Variants in RASA3 observed in about 807,000 individuals in gnomAD.
RASA3 encodes RAS p21 protein activator 3.
RASA3 carries 73 observed loss-of-function variants against 110.0 expected under a neutral mutation model. That is an observed-to-expected ratio of 0.66 (90% CI 0.55 to 0.81). The LOEUF is 0.81. RASA3 is among the 30% of genes least tolerant of loss of function. The pLI is 0.00. For missense variants in RASA3, 976 were observed against 1,113.2 expected (o/e 0.88, Z 1.75); for synonymous variants, 500 against 451.4 (o/e 1.11, Z -1.37).
At chr13:114,101,521 C>G (rs2080060072) in intron 1 of RASA3, among the ~76,000 whole-genome samples, 1 of 152,262 alleles carries the variant, frequency 6.6e-6, no homozygotes, top group African/African-American at 2.4e-5. Flanking sequence ...CTGGAGGGGC[C>G]TGATCCCGGC....
chr13:114,059,055 G>A lies in RASA3; in HGVS notation c.174-6900C>T, dbSNP rs565977355. Among the ~76,000 whole-genome samples, 18 of 152,300 alleles carry A rather than the reference G, an allele frequency of 1.2e-4. No homozygotes were observed. In the East Asian group the frequency reaches 3.3e-3, roughly 28 times the overall value. ...TCAACAGAAAATTTAAAAATTAGAT[G>A]GGTTTGGTGGCGCACGTCTGCAGCG... On this transcript the variant is annotated intron_variant, in intron 2 of 23. Coordinates refer to ENST00000334062, the MANE Select transcript of RASA3 (RefSeq NM_007368.4).
chr13:114,118,957 A>C (rs541139742), intron 1 of RASA3, among the ~76,000 whole-genome samples: 1 of 152,332 alleles, frequency 6.6e-6, no homozygotes, highest in African/African-American at 2.4e-5. Context: ...CACAGAACTA[A>C]ATGGTCACCC....
At chr13:114,068,725 T>C (rs1222193788) in intron 2 of RASA3, among the ~76,000 whole-genome samples, 2 of 152,226 alleles carry the variant, frequency 1.3e-5, no homozygotes, top group East Asian at 3.8e-4. Context: ...GGCTGCCCTT[T>C]AAATGATTAA....
At chr13:114,107,159 ACCTTGACCCT>A (rs2139753385) in intron 1 of RASA3, among the ~76,000 whole-genome samples, 1 of 26,816 alleles carries the variant, frequency 3.7e-5, no homozygotes, top group South Asian at 1.1e-3. Context: ...GACCCTGGGC[ACCTTGACCCT>A]CACGGGGTAC....
Position 114,056,627 on chromosome 13 carries a change from G to C in RASA3, c.174-4472C>G. 1 of 985,338 alleles carries C rather than the reference G, an allele frequency of 1.0e-6. No homozygotes were observed. Among genetic ancestry groups the C allele is most frequent in the Non-Finnish European group, 1.2e-6 (1 of 829,928 alleles). The allele number at this position is 985,338 out of a possible 1,614,324, so 61.0% of individuals were successfully genotyped here. On this transcript the variant is annotated intron_variant, in intron 2 of 23. Transcript: ENST00000334062. The surrounding 1 kb of genome is among the most constrained non-coding windows in gnomAD (Gnocchi z 5.7). ...GCCCGTGCTGGCTGGGCACCTGGGAGGGTCCCGTGAGGCTTCTGGTGGTGC... is the reference window on the plus strand; with the variant it reads ...GCCCGTGCTGGCTGGGCACCTGGGACGGTCCCGTGAGGCTTCTGGTGGTGC...
intron 21 of RASA3, among the ~76,000 whole-genome samples, chr13:113,994,980 A>T (rs1035914970): frequency 1.3e-5 from 2 of 152,240 alleles, no homozygotes; most frequent in East Asian, 1.9e-4. Context: ...TCTCAAAGAC[A>T]TAAAACTAAA....
chr13:114,127,598 C>T (rs2080467907), intron 1 of RASA3, among the ~76,000 whole-genome samples: 1 of 152,176 alleles, frequency 6.6e-6, no homozygotes, highest in Non-Finnish European at 1.5e-5. Flanking sequence ...TCCAAGATCA[C>T]AGAGAAGAAA....
chr13:113,980,387 TCCCA>T (rs1454841600), intron 23 of RASA3, among the ~76,000 whole-genome samples: 15 of 139,858 alleles, frequency 1.1e-4, no homozygotes, highest in African/African-American at 3.3e-4. Context: ...GTGTGCCTCC[TCCCA>T]CGTGTGCACC....
chr13:114,008,309 C>T (rs1448899219), intron 17 of RASA3, among the ~76,000 whole-genome samples: 4 of 56,772 alleles, frequency 7.0e-5, no homozygotes, highest in Admixed American at 3.3e-4. Flanking sequence ...CAGAGCCCTG[C>T]GGTCTGGATG....
chr13:113,981,898 G>C, intron 22 of RASA3, 40 bp from the exon 23 acceptor site: 1 of 1,583,628 alleles, frequency 6.3e-7, no homozygotes, highest in Non-Finnish European at 8.6e-7. Context: ...CAGGAGCCCA[G>C]GCCACCGGCC....
At chr13:114,016,327 G>A (rs958989065) in intron 12 of RASA3, 56 bp from the exon 13 acceptor site, 3 of 1,320,864 alleles carry the variant, frequency 2.3e-6, no homozygotes, top group African/African-American at 2.9e-5. Flanking sequence ...CACAGGCAGG[G>A]AGGGTGGAAG....
At chr13:113,992,682 G>A (rs1324305335) in intron 21 of RASA3, 94 bp from the exon 22 acceptor site, 5 of 960,380 alleles carry the variant, frequency 5.2e-6, no homozygotes, top group Non-Finnish European at 8.0e-6. Context: ...ACTGAAGAAA[G>A]ACAACGATTG....
At chr13:114,132,283 G>A (rs1465845289) in intron 1 of RASA3, 152 bp downstream of exon 1, 5 of 814,564 alleles carry the variant, frequency 6.1e-6, no homozygotes, top group Non-Finnish European at 8.5e-6. Flanking sequence ...GAGGGGCCGC[G>A]GAGCCGGACC....
chr13:114,114,202 G>A lies in RASA3; in HGVS notation c.55+18233C>T, dbSNP rs2080251225. Among the ~76,000 whole-genome samples the A allele has an allele frequency of 6.6e-6, 1 of 152,260 alleles. No individual in the cohort carries two copies. Among genetic ancestry groups the A allele is most frequent in the South Asian group, 2.1e-4 (1 of 4,834 alleles). On this transcript the variant is annotated intron_variant, in intron 1 of 23. Coordinates refer to ENST00000334062, the MANE Select transcript of RASA3 (RefSeq NM_007368.4). The surrounding 1 kb of genome is among the most constrained non-coding windows in gnomAD (Gnocchi z 4.8). ...GCGTCTGCGATGTCCGTGCAGGGGA[G>A]AGAGACCTGGCCTATCCTCAGCACA...
chr13:114,000,559 AG>A (rs1289938045), intron 19 of RASA3, among the ~76,000 whole-genome samples: 7 of 152,196 alleles, frequency 4.6e-5, no homozygotes, highest in Non-Finnish European at 1.0e-4. Flanking sequence ...TGGACAGAAA[AG>A]CACCTTACTG....
At chr13:113,991,504 T>C (rs1238172630) in intron 22 of RASA3, among the ~76,000 whole-genome samples, 2 of 152,238 alleles carry the variant, frequency 1.3e-5, no homozygotes, top group Admixed American at 1.3e-4. Flanking sequence ...GACACTGGCA[T>C]AGAAACAAAC....
rs79166726 is a variant in RASA3, at chr13:114,039,806, G to A, written c.372+1194C>T. Among the ~76,000 whole-genome samples the A allele has an allele frequency of 3.4e-3, 521 of 152,308 alleles. 8 individuals carry two copies. Among genetic ancestry groups the A allele is most frequent in the East Asian group, 0.029 (149 of 5,172 alleles). On this transcript the variant is annotated intron_variant, in intron 4 of 23. Transcript: ENST00000334062. ...CATGGGCCCCAGCACTGGAGCCCCC[G>A]GTCTTGCGTGGGGAGGTGGGACAAG... is the stretch of plus-strand genomic sequence containing the variant.
At chr13:114,121,984 C>A (rs2080384569) in intron 1 of RASA3, among the ~76,000 whole-genome samples, 1 of 152,252 alleles carries the variant, frequency 6.6e-6, no homozygotes. Flanking sequence ...CCCAGAGGCT[C>A]CTACCTCCAG....
chr13:114,132,529 C>A lies in RASA3; in HGVS notation c.-40G>T, dbSNP rs760271600. On this transcript the variant is annotated 5_prime_UTR_variant, in exon 1 of 24. Coordinates refer to ENST00000334062, the MANE Select transcript of RASA3 (RefSeq NM_007368.4). ...CCCGCCGAGCCTCGCCCCAAGCGCGCGCCGAGCCCGGGCAGCTCAGGCCGA... is the reference window on the plus strand; with the variant it reads ...CCCGCCGAGCCTCGCCCCAAGCGCGAGCCGAGCCCGGGCAGCTCAGGCCGA... 2.8e-6 allele frequency: 4 copies of A among 1,443,984 alleles called. No homozygotes were observed. The highest frequency in any genetic ancestry group is 3.6e-6 in the Non-Finnish European group (4 of 1,097,502). The allele number at this position is 1,443,984 out of a possible 1,614,324, so 89.4% of individuals were successfully genotyped here.
Sources: gnomAD v4.1 joint callset for allele counts (sites outside exome capture counted in the v4.1 genomes callset) on GRCh38, gnomAD v4.1.1 for gene constraint, Gnocchi (gnomAD v3.1) non-coding constraint, MANE v1.5 for transcripts, NCBI Gene and HGNC (gene_info 2026-07-23, HGNC 2026-07-21) for gene names.